The following ARHGAP26 variants were observed in gnomAD, a reference collection of about 807,000 sequenced individuals.
ARHGAP26 encodes the protein rho GTPase-activating protein 26.
ARHGAP26 carries 38 observed loss-of-function variants against 104.8 expected under a neutral mutation model. The ratio of observed to expected loss-of-function variants is 0.36; its 90% confidence interval spans 0.28 to 0.48. The LOEUF (loss-of-function observed/expected upper bound fraction) is 0.48. Among genes scored for constraint, ARHGAP26 ranks in the 20% least tolerant of loss-of-function variants. The pLI is 0.99. For synonymous variants in ARHGAP26, 341 were observed against 340.0 expected (o/e 1.00, Z -0.03); for missense variants, 704 against 947.9 (o/e 0.74, Z 3.38).
At chr5:142,781,298 A>C (rs1330718104) in intron 1 of ARHGAP26, among the ~76,000 whole-genome samples, 1 of 152,232 alleles carries the variant, frequency 6.6e-6, no homozygotes, top group Non-Finnish European at 1.5e-5. Flanking sequence ...CTCATTACAA[A>C]ATACATTTAT....
intron 15 of ARHGAP26, among the ~76,000 whole-genome samples, chr5:143,054,812 C>T (rs1370094847): frequency 6.6e-6 from 1 of 152,146 alleles, no homozygotes; most frequent in African/African-American, 2.4e-5. Context: ...GGGGTCTTCC[C>T]CGAAGTCCCT....
intron 1 of ARHGAP26, among the ~76,000 whole-genome samples, chr5:142,811,484 G>A (rs1764065900): frequency 6.6e-6 from 1 of 152,160 alleles, no homozygotes; most frequent in Non-Finnish European, 1.5e-5. Flanking sequence ...TCCGTCACGT[G>A]TAGTTGGTAA....
intron 11 of ARHGAP26, among the ~76,000 whole-genome samples, chr5:142,986,235 A>C (rs890870678): frequency 1.3e-5 from 2 of 152,030 alleles, no homozygotes; most frequent in East Asian, 3.8e-4. Flanking sequence ...TGTGGTTTTG[A>C]TTTGCATTTC....
At chr5:143,177,016 C>T (rs1454736950) in intron 20 of ARHGAP26, among the ~76,000 whole-genome samples, 1 of 152,158 alleles carries the variant, frequency 6.6e-6, no homozygotes, top group Non-Finnish European at 1.5e-5. Flanking sequence ...ACTCATCTGT[C>T]ATTACTTTGA....
At chr5:142,777,450 G>A (rs1756556925) in intron 1 of ARHGAP26, among the ~76,000 whole-genome samples, 1 of 152,234 alleles carries the variant, frequency 6.6e-6, no homozygotes, top group Non-Finnish European at 1.5e-5. Context: ...AAGTTGTAAA[G>A]GGGACTTTGT....
chr5:143,006,032 G>A (rs1777905031), intron 11 of ARHGAP26, among the ~76,000 whole-genome samples: 4 of 152,202 alleles, frequency 2.6e-5, no homozygotes, highest in Non-Finnish European at 1.5e-5. Flanking sequence ...TTGTCACCTG[G>A]TGGATGTAGA....
chr5:143,198,007 CATAG>C (rs1807134159), intron 20 of ARHGAP26, among the ~76,000 whole-genome samples: 1 of 152,196 alleles, frequency 6.6e-6, no homozygotes, highest in Non-Finnish European at 1.5e-5. Context: ...CTGAGGCAGT[CATAG>C]TTTCTTGCTT....
chr5:142,867,579 T>C (rs116331823), intron 1 of ARHGAP26, among the ~76,000 whole-genome samples: 144 of 152,186 alleles, frequency 9.5e-4, no homozygotes, highest in African/African-American at 3.3e-3. Flanking sequence ...CCTTAAACCA[T>C]TTTAACTGCA....
chr5:142,875,841 A>G (rs1269699476), intron 3 of ARHGAP26, among the ~76,000 whole-genome samples: 3 of 152,162 alleles, frequency 2.0e-5, no homozygotes, highest in Admixed American at 6.5e-5. Flanking sequence ...CCTGGGCTCA[A>G]GCGATCCTCC....
Position 142,990,730 on chromosome 5 carries a change from C to T in ARHGAP26, c.1108-23350C>T, listed in dbSNP as rs1775465260. Among the ~76,000 whole-genome samples the T allele has an allele frequency of 2.0e-5, 3 of 152,304 alleles. No individual in the cohort carries two copies. The South Asian group carries it at 6.2e-4, about 32-fold the overall frequency. Reference sequence around the variant, plus strand: ...TGTTGGGGTTCGCTGGAGGTCCACTCCAGACCCTGTTTGCCTGAGTATCAC... The same window carrying T: ...TGTTGGGGTTCGCTGGAGGTCCACTTCAGACCCTGTTTGCCTGAGTATCAC... On this transcript the variant is annotated intron_variant, in intron 11 of 22. Coordinates refer to ENST00000645722, the MANE Select transcript of ARHGAP26 (RefSeq NM_001135608.3).
At position 142,783,130 on chromosome 5, in the gene ARHGAP26, T is replaced by A. The variant is rs986279122; in HGVS notation, c.154+12215T>A. ...GTCCCCAAATCCTGTTCTTCCTTAATGTGCACAGCTGTGCTCTCCAGCCTC... is the reference window on the plus strand; with the variant it reads ...GTCCCCAAATCCTGTTCTTCCTTAAAGTGCACAGCTGTGCTCTCCAGCCTC... On this transcript the variant is annotated intron_variant, in intron 1 of 22. Transcript: ENST00000645722. Among the ~76,000 whole-genome samples, 4 of 152,360 alleles carry A rather than the reference T, an allele frequency of 2.6e-5. No homozygotes were observed. The East Asian group carries it at 7.7e-4, about 29-fold the overall frequency.
chr5:143,028,165 GGAT>G lies in ARHGAP26; in HGVS notation c.1145-9006_1145-9004del, dbSNP rs147935644. On this transcript the variant is annotated intron_variant, in intron 12 of 22. Transcript: ENST00000645722. The stretch of plus-strand genomic sequence containing the variant: ...CGTAGGTTTCCTATCTACAAAATAC[GGAT>G]GATGATGATGATGATGATGATGATA... Among the ~76,000 whole-genome samples, 330 of 151,886 alleles carry G rather than the reference GGAT, an allele frequency of 2.2e-3. 1 individual carries two copies. The highest frequency in any genetic ancestry group is 2.8e-3 in the Non-Finnish European group (191 of 67,938).
At chr5:142,961,787 A>G (rs1295957762) in intron 11 of ARHGAP26, among the ~76,000 whole-genome samples, 1 of 152,354 alleles carries the variant, frequency 6.6e-6, no homozygotes, top group Admixed American at 6.5e-5. Flanking sequence ...TGTCTTTGTT[A>G]AATAAAATTA....
At chr5:143,031,313 T>A (rs555766039) in intron 12 of ARHGAP26, among the ~76,000 whole-genome samples, 37 of 152,122 alleles carry the variant, frequency 2.4e-4, no homozygotes, top group Non-Finnish European at 5.0e-4. Flanking sequence ...GTCAAGACCA[T>A]AGGGGCTGCA....
chr5:143,189,843 G>T (rs1455948027), intron 20 of ARHGAP26, among the ~76,000 whole-genome samples: 1 of 152,120 alleles, frequency 6.6e-6, no homozygotes, highest in Non-Finnish European at 1.5e-5. Context: ...AGAGCAGAGG[G>T]CTTGCTTGGC....
intron 1 of ARHGAP26, among the ~76,000 whole-genome samples, chr5:142,817,382 C>A (rs1765340811): frequency 6.6e-6 from 1 of 152,116 alleles, no homozygotes; most frequent in African/African-American, 2.4e-5. Context: ...AACCAGGGAA[C>A]CATTCCCCTT....
intron 1 of ARHGAP26, among the ~76,000 whole-genome samples, chr5:142,855,723 A>T (rs1245323427): frequency 1.3e-5 from 2 of 152,228 alleles, no homozygotes; most frequent in African/African-American, 4.8e-5. Flanking sequence ...TGAGTAGGAA[A>T]TAATTTAGCT....
At chr5:142,831,377 T>C (rs1768396952) in intron 1 of ARHGAP26, among the ~76,000 whole-genome samples, 3 of 152,000 alleles carry the variant, frequency 2.0e-5, no homozygotes, top group Admixed American at 2.0e-4. Context: ...TGCTCTTTGG[T>C]CTCCTTTTTT....
In ARHGAP26 at chr5:142,820,825, C is replaced by T. The variant is rs866585616; in HGVS notation, c.154+49910C>T. On this transcript the variant is annotated intron_variant, in intron 1 of 22. Transcript: ENST00000645722. ...ATCACGTATGCATTTTCTTATTTTT[C>T]CCGGAACATTATGAAGTGGAGTCTA... Among the ~76,000 whole-genome samples, 4 of 152,250 alleles carry T rather than the reference C, an allele frequency of 2.6e-5. 1 individual carries two copies. Among genetic ancestry groups the T allele is most frequent in the South Asian group, 4.1e-4 (2 of 4,826 alleles).
Sources: allele counts gnomAD v4.1 joint callset (sites outside exome capture counted in the v4.1 genomes callset), GRCh38; gene constraint gnomAD v4.1.1; transcripts MANE v1.5; gene names NCBI Gene and HGNC (gene_info 2026-07-23, HGNC 2026-07-21).